Variants in COL6A2 observed in about 807,000 individuals in gnomAD.
COL6A2 encodes the protein collagen alpha-2(VI) chain.
COL6A2 carries 90 observed loss-of-function variants against 124.9 expected under a neutral mutation model. The observed-to-expected ratio is 0.72, with a 90% CI of 0.61 to 0.86. The LOEUF (loss-of-function observed/expected upper bound fraction) is 0.86, where lower values mean the gene tolerates loss of function less well. Among genes scored for constraint, COL6A2 ranks in the 40% least tolerant of loss-of-function variants. The pLI, the probability that COL6A2 is intolerant of heterozygous loss-of-function variation, is 0.00. For synonymous variants in COL6A2, 793 were observed against 618.2 expected (o/e 1.28, Z -4.19); for missense variants, 1,607 against 1,502.5 (o/e 1.07, Z -1.15).
At chr21:46,130,733 T>C (rs1293945407) in intron 27 of COL6A2, among the ~76,000 whole-genome samples, 1 of 152,072 alleles carries the variant, frequency 6.6e-6, no homozygotes, top group Non-Finnish European at 1.5e-5. Context: ...ATGTTATTAG[T>C]TTTGAGGGGG....
chr21:46,126,642 C>T (rs1246422956), intron 27 of COL6A2, 101 bp downstream of exon 27: 42 of 1,208,812 alleles, frequency 3.5e-5, no homozygotes, highest in Middle Eastern at 2.2e-4. Context: ...TGCAGGGACC[C>T]GGGGGGCGGC....
intron 27 of COL6A2, chr21:46,129,462 G>A (rs1403149028): frequency 6.3e-7 from 1 of 1,598,678 alleles, no homozygotes; most frequent in South Asian, 1.1e-5. Context: ...CATCGTGGGG[G>A]ACCCCGAGAC....
At chr21:46,129,910 G>A (rs777972026) in intron 27 of COL6A2, 59 of 936,264 alleles carry the variant, frequency 6.3e-5, no homozygotes, top group East Asian at 3.1e-4. Flanking sequence ...CTGGGCTGCC[G>A]TGCGTCTGGG....
At chr21:46,127,359 G>C (rs532723888) in intron 27 of COL6A2, among the ~76,000 whole-genome samples, 1 of 152,158 alleles carries the variant, frequency 6.6e-6, no homozygotes, top group Non-Finnish European at 1.5e-5. Context: ...GGGAGCTCCC[G>C]GTGGGTGAGC....
At position 46,119,099 on chromosome 21, in the gene COL6A2, C is replaced by G. The variant is rs1248584370; in HGVS notation, c.1249C>G (p.Arg417Gly). 4 of 1,611,894 alleles carry G rather than the reference C, an allele frequency of 2.5e-6. No individual in the cohort carries two copies. In the South Asian group the frequency reaches 4.4e-5, roughly 18 times the overall value. Residue 417 changes from arginine to glycine, a missense_variant, in exon 14 of 28, where the codon CGC (arginine) becomes GGC (glycine). Transcript: ENST00000300527. ...VKGAKGGPGP[R>G]GPKGEPGRRG... ...AGGAGCCAAGGGCGGGCCTGGGCCC[C>G]GCGGACCCAAAGGCGAGCCGGTGAG...
chr21:46,131,603 G>A (rs888519843), intron 27 of COL6A2, among the ~76,000 whole-genome samples: 2 of 152,178 alleles, frequency 1.3e-5, no homozygotes, highest in Non-Finnish European at 2.9e-5. Context: ...TGGCCCTTTT[G>A]TGGGCAGCAA....
intron 1 of COL6A2, among the ~76,000 whole-genome samples, chr21:46,110,255 G>A (rs904733136): frequency 1.3e-5 from 2 of 152,194 alleles, no homozygotes; most frequent in African/African-American, 2.4e-5. Flanking sequence ...CAGCCAGTGT[G>A]ATGGCAGCGG....
At chr21:46,127,087 G>T (rs867847134) in intron 27 of COL6A2, among the ~76,000 whole-genome samples, 1 of 152,168 alleles carries the variant, frequency 6.6e-6, no homozygotes, top group African/African-American at 2.4e-5. Flanking sequence ...TGGGGGTGCC[G>T]TCCAGGCTCT....
At chr21:46,101,115 G>A (rs1457930012) in intron 1 of COL6A2, among the ~76,000 whole-genome samples, 16 of 152,112 alleles carry the variant, frequency 1.1e-4, no homozygotes, top group Non-Finnish European at 4.4e-5. Flanking sequence ...ATGGGTGTGA[G>A]GTGGTATCTC....
chr21:46,124,547 C>T, intron 21 of COL6A2, 104 bp from the exon 22 acceptor site: 2 of 1,025,426 alleles, frequency 2.0e-6, no homozygotes, highest in East Asian at 4.8e-5. Context: ...GCCCCCCCCC[C>T]CGCCAAGGGA....
chr21:46,108,104 A>T (rs987724278), intron 1 of COL6A2, among the ~76,000 whole-genome samples: 13 of 134,526 alleles, frequency 9.7e-5, no homozygotes, highest in Admixed American at 5.0e-4. Context: ...ATATATATAT[A>T]TATTTTTTTT....
intron 5 of COL6A2, 52 bp from the exon 6 acceptor site, chr21:46,115,819 CT>C: frequency 6.5e-7 from 1 of 1,547,996 alleles, no homozygotes; most frequent in Non-Finnish European, 8.9e-7. Context: ...GGGTCCCCAG[CT>C]GCCTACCGCC....
At chr21:46,110,111 C>T (rs2078378682) in intron 1 of COL6A2, among the ~76,000 whole-genome samples, 1 of 152,136 alleles carries the variant, frequency 6.6e-6, no homozygotes, top group African/African-American at 2.4e-5. Flanking sequence ...GCCAGCATCC[C>T]AGACAGGGGC....
rs7279347 is a variant in COL6A2, at chr21:46,117,968, G to A, written c.1116+32G>A. The A allele has an allele frequency of 0.51, 818,763 of 1,598,598 alleles. 212,539 individuals are homozygous for A. Among genetic ancestry groups the A allele is most frequent in the Admixed American group, 0.64 (37,784 of 58,814 alleles). On this transcript the variant is annotated intron_variant, in intron 12 of 27. Coordinates refer to ENST00000300527, the MANE Select transcript of COL6A2 (RefSeq NM_001849.4). ...GGCCTTGTCAGGGTACGGGGCAGGCGGGGTCACCAGCTTCCAGGGGCCTCC... is the reference window on the plus strand; with the variant it reads ...GGCCTTGTCAGGGTACGGGGCAGGCAGGGTCACCAGCTTCCAGGGGCCTCC...
intron 27 of COL6A2, chr21:46,129,140 C>T (rs1161456847): frequency 6.2e-7 from 1 of 1,610,794 alleles, no homozygotes; most frequent in Non-Finnish European, 8.5e-7. Flanking sequence ...CGAGGAGGAG[C>T]TCTAGGCCGA....
intron 5 of COL6A2, among the ~76,000 whole-genome samples, chr21:46,115,589 A>AC (rs1396763183): frequency 6.6e-6 from 1 of 151,880 alleles, no homozygotes; most frequent in South Asian, 2.1e-4. Flanking sequence ...TGCAGAAGGG[A>AC]CCCCCACGGG....
chr21:46,118,958 C>T (rs1391668448), intron 13 of COL6A2, 72 bp from the exon 14 acceptor site: 1 of 1,235,256 alleles, frequency 8.1e-7, no homozygotes, highest in African/African-American at 1.5e-5. Context: ...CTCCACACCA[C>T]ACACCGCACA....
chr21:46,116,447 G>A lies in COL6A2; in HGVS notation c.927+44G>A, dbSNP rs528865788. On this transcript the variant is annotated intron_variant, in intron 8 of 27. Transcript: ENST00000300527. This position sits in a 1 kb window ranked among gnomAD's most constrained non-coding sequence, Gnocchi z 4.6. ...CAGACCTCAGACCTGCGCCAGCCTC[G>A]GCCCAGACCCACCTCTTGGCGTCCG... 2.3e-5 allele frequency: 37 copies of A among 1,611,612 alleles called. No homozygotes were observed. The highest frequency in any genetic ancestry group is 4.0e-5 in the African/African-American group (3 of 75,022).
rs771047744 is a variant in COL6A2, at chr21:46,112,589, G to A, written c.714+12G>A. On this transcript the variant is annotated intron_variant, in intron 3 of 27. Transcript: ENST00000300527. Reference sequence around the variant, plus strand: ...TCATCAAGGTCATGGTGAGCCGCGGGCGGGAGCACCGTCCACGCGCCAGGG... The same window carrying A: ...TCATCAAGGTCATGGTGAGCCGCGGACGGGAGCACCGTCCACGCGCCAGGG... 8.1e-6 allele frequency: 13 copies of A among 1,611,492 alleles called. No individual in the cohort carries two copies. The East Asian group carries it at 2.9e-4, about 36-fold the overall frequency.
Sources: gnomAD v4.1 joint callset for allele counts (sites outside exome capture counted in the v4.1 genomes callset) on GRCh38, gnomAD v4.1.1 for gene constraint, Gnocchi (gnomAD v3.1) non-coding constraint, MANE v1.5 for transcripts, NCBI Gene and HGNC (gene_info 2026-07-23, HGNC 2026-07-21) for gene names.